SIDT1: variants seen among roughly 807,000 people sequenced by gnomAD.
SIDT1 encodes the protein SID1 transmembrane family, member 1.
Under a neutral mutation model 107.5 loss-of-function variants are expected in SIDT1, and 101 were observed. The ratio of observed to expected loss-of-function variants is 0.94; its 90% CI spans 0.80 to 1.11. The LOEUF (loss-of-function observed/expected upper bound fraction) is 1.11, where lower values mean the gene tolerates loss of function less well. Ranked by LOEUF, SIDT1 falls within the 50% of genes least tolerant of loss-of-function variation. The pLI is 0.00. For missense variants in SIDT1, 1,076 were observed against 1,058.2 expected (o/e 1.02, Z -0.23); for synonymous variants, 395 against 398.2 (o/e 0.99, Z 0.10).
intron 10 of SIDT1, 138 bp downstream of exon 10, chr3:113,593,186 T>C: frequency 2.5e-6 from 2 of 789,178 alleles, no homozygotes; most frequent in Admixed American, 1.9e-5. Flanking sequence ...TAGTCTAGCC[T>C]GCAGTTGGAA....
intron 21 of SIDT1, 122 bp downstream of exon 21, chr3:113,619,848 G>A: frequency 1.1e-6 from 1 of 870,610 alleles, no homozygotes; most frequent in Non-Finnish European, 1.8e-6. Flanking sequence ...AGGACTGCTT[G>A]TTCTAGAGAC....
chr3:113,568,909 G>A (rs1942182510), intron 3 of SIDT1, among the ~76,000 whole-genome samples: 1 of 152,038 alleles, frequency 6.6e-6, no homozygotes, highest in Non-Finnish European at 1.5e-5. Flanking sequence ...CACAGCAGGT[G>A]GATCACCTGA....
chr3:113,627,262 T>C (rs894407108), intron 24 of SIDT1, among the ~76,000 whole-genome samples: 2 of 152,214 alleles, frequency 1.3e-5, no homozygotes, highest in Non-Finnish European at 2.9e-5. Context: ...CTTCCTGTAT[T>C]TCCTCCCTTA....
chr3:113,533,016 C>A lies in SIDT1; in HGVS notation c.-6C>A. On this transcript the variant is annotated 5_prime_UTR_variant, in exon 1 of 25. Transcript: ENST00000264852. ...TCCGCTTTCGAGCCCGGGCGCGGTG[C>A]CCACCATGCGCGGCTGCCTGCGGCT... The A allele has an allele frequency of 1.5e-6, 2 of 1,359,962 alleles. No individual in the cohort carries two copies. The highest frequency in any genetic ancestry group is 1.9e-6 in the Non-Finnish European group (2 of 1,060,052). 84.2% of individuals were successfully genotyped at this position (1,359,962 alleles called of 1,614,324 possible). A position where few individuals can be genotyped will look rare whatever the true frequency, so the allele number is the denominator to read the frequency against.
At chr3:113,583,073 A>G (rs1369348180) in intron 6 of SIDT1, among the ~76,000 whole-genome samples, 1 of 152,236 alleles carries the variant, frequency 6.6e-6, no homozygotes, top group Admixed American at 6.5e-5. Context: ...TCTAAAATAA[A>G]AACTTAACAT....
rs536317425 is a variant in SIDT1 at position 113,600,210 on chromosome 3, C to T, written c.1046-1378C>T. Among the ~76,000 whole-genome samples the T allele has an allele frequency of 2.6e-5, 4 of 151,674 alleles. No homozygotes were observed. In the East Asian group the frequency reaches 7.8e-4, roughly 30 times the overall value. On this transcript the variant is annotated intron_variant, in intron 10 of 24. Coordinates refer to ENST00000264852, the MANE Select transcript of SIDT1 (RefSeq NM_017699.3). The stretch of plus-strand genomic sequence containing the variant: ...CTGTAGTCCCAGCTACTCAGGAGGC[C>T]GAGGCAGGAGAATCGCTTGAACCCG...
chr3:113,558,782 G>A (rs879719472), intron 1 of SIDT1, among the ~76,000 whole-genome samples: 9 of 152,182 alleles, frequency 5.9e-5, no homozygotes, highest in Middle Eastern at 3.2e-3. Context: ...ATGACGCTGT[G>A]GCAAAGGGGT....
At position 113,593,005 on chromosome 3, in the gene SIDT1, G is replaced by C. The variant is rs774836637; in HGVS notation, c.1002G>C (p.Arg334Ser). Residue 334 changes from arginine (R) to serine (S), a missense_variant and splice_region_variant, in exon 10 of 25, where the codon AGG (arginine) becomes AGC (serine). Arg to Ser is a moderately radical substitution (Grantham distance 110, BLOSUM62 -1). Coordinates refer to ENST00000264852, the MANE Select transcript of SIDT1 (RefSeq NM_017699.3). ...AGCATGTGTATGTGCTTGTTTGCAG[G>C]TTTCAGAGAAAATCCATTGATGGAA... is the stretch of plus-strand genomic sequence containing the variant. Reference protein sequence around the residue: ...CLLVGFVHYLRFQRKSIDGSF... With the variant: ...CLLVGFVHYLSFQRKSIDGSF... 19 of 1,612,084 alleles carry C rather than the reference G, an allele frequency of 1.2e-5. No individual in the cohort carries two copies. In the East Asian group the frequency reaches 3.8e-4, roughly 32 times the overall value.
chr3:113,606,844 A>G (rs558549688), intron 14 of SIDT1, 197 bp from the exon 15 acceptor site: 1 of 495,568 alleles, frequency 2.0e-6, no homozygotes, highest in East Asian at 3.0e-5. Flanking sequence ...TCAAAGCAAG[A>G]TGGTAACTTT....
At chr3:113,630,192 C>T (rs996677224), downstream of SIDT1, among the ~76,000 whole-genome samples, 6 of 152,154 alleles carry the variant, frequency 3.9e-5, no homozygotes, top group Non-Finnish European at 1.5e-5. Context: ...TGAAGAGGCT[C>T]TTGGCAAAGT....
chr3:113,576,777 C>A, intron 3 of SIDT1, 145 bp from the exon 4 acceptor site: 1 of 786,266 alleles, frequency 1.3e-6, no homozygotes, highest in Non-Finnish European at 2.1e-6. Context: ...GTCAGTTTCA[C>A]GGAACCGGAA....
chr3:113,561,744 C>T (rs371851963), intron 1 of SIDT1, among the ~76,000 whole-genome samples: 10 of 152,156 alleles, frequency 6.6e-5, no homozygotes, highest in East Asian at 1.9e-4. Flanking sequence ...AAGTCAGAAA[C>T]GCTGGGGGTT....
intron 14 of SIDT1, among the ~76,000 whole-genome samples, chr3:113,606,155 C>A (rs1310921245): frequency 6.6e-6 from 1 of 152,130 alleles, no homozygotes; most frequent in Non-Finnish European, 1.5e-5. Flanking sequence ...TCCATAGAAT[C>A]CTAGGCCAAG....
chr3:113,581,519 C>T, intron 6 of SIDT1, 75 bp downstream of exon 6: 1 of 1,180,020 alleles, frequency 8.5e-7, no homozygotes, highest in Admixed American at 1.7e-5. Context: ...GGCCAGCATC[C>T]AAAAGGGATG....
In SIDT1 at chr3:113,549,305, G is replaced by A. The variant is rs1242459548; in HGVS notation, c.222+16062G>A. 3.9e-5 allele frequency among the ~76,000 whole-genome samples: 6 copies of A among 152,270 alleles called. No individual in the cohort carries two copies. The East Asian group carries it at 1.2e-3, about 29-fold the overall frequency. The stretch of plus-strand genomic sequence containing the variant: ...TTGCTGGAGTATATAGTAAGACTAT[G>A]TTTAGCTTTGTAAGAAAGTGTCAAA... On this transcript the variant is annotated intron_variant, in intron 1 of 24. Coordinates refer to ENST00000264852, the MANE Select transcript of SIDT1 (RefSeq NM_017699.3).
At chr3:113,550,995 A>G (rs1248952769) in intron 1 of SIDT1, among the ~76,000 whole-genome samples, 1 of 152,108 alleles carries the variant, frequency 6.6e-6, no homozygotes, top group Admixed American at 6.5e-5. Context: ...GATTCCACTT[A>G]TAAGTGAGAA....
intron 1 of SIDT1, among the ~76,000 whole-genome samples, chr3:113,535,347 A>G (rs1173820800): frequency 6.6e-6 from 1 of 152,220 alleles, no homozygotes; most frequent in Admixed American, 6.5e-5. Flanking sequence ...TGAACAAATA[A>G]GTGAATAAAG....
chr3:113,626,149 G>A lies in SIDT1; in HGVS notation c.2355G>A (p.Leu785=). The stretch of plus-strand genomic sequence containing the variant: ...AGAAGAACCGCGAGTGCATTCTGCT[G>A]GATTTCTTCGATGACCATGACATCT... ...SREKNRECIL[L]DFFDDHDIWH... The change falls in exon 24 of 25, where the codon CTG becomes CTA. Residue 785 remains leucine (L), a synonymous_variant. Coordinates refer to ENST00000264852, the MANE Select transcript of SIDT1 (RefSeq NM_017699.3). 6.2e-7 allele frequency: 1 copy of A among 1,614,114 alleles called. No individual in the cohort carries two copies. Among genetic ancestry groups the A allele is most frequent in the Non-Finnish European group, 8.5e-7 (1 of 1,180,010 alleles).
At chr3:113,544,502 TCTTTA>T (rs138258316) in intron 1 of SIDT1, among the ~76,000 whole-genome samples, 6,421 of 152,194 alleles carry the variant, frequency 0.042, 253 homozygotes, top group African/African-American at 0.11. Flanking sequence ...TTATCATGAG[TCTTTA>T]CTTTAATCTT....
Sources: gnomAD v4.1 joint callset for allele counts (sites outside exome capture counted in the v4.1 genomes callset) on GRCh38, gnomAD v4.1.1 for gene constraint, MANE v1.5 for transcripts, NCBI Gene and HGNC (gene_info 2026-07-23, HGNC 2026-07-21) for gene names.